GABARAPL1: variants seen among roughly 807,000 people sequenced by gnomAD.
GABARAPL1 encodes the protein GABA type A receptor associated protein like 1.
Under a neutral mutation model 14.5 loss-of-function variants are expected in GABARAPL1, and 4 were observed. The ratio of observed to expected loss-of-function variants is 0.28; its 90% CI spans 0.14 to 0.63. The LOEUF is 0.63. Among genes scored for constraint, GABARAPL1 ranks in the 30% least tolerant of loss-of-function variants. The pLI, the probability that GABARAPL1 is intolerant of heterozygous loss-of-function variation, is 0.84. For missense variants in GABARAPL1, 82 were observed against 139.2 expected (o/e 0.59, Z 2.07); for synonymous variants, 47 against 50.6 (o/e 0.93, Z 0.30).
intron 2 of GABARAPL1, among the ~76,000 whole-genome samples, chr12:10,218,462 A>G (rs1949102662): frequency 1.3e-5 from 2 of 151,982 alleles, no homozygotes; most frequent in African/African-American, 4.8e-5. Context: ...AGTCCCAGCT[A>G]CTTGGGAGGC....
chr12:10,215,653 T>G (rs769021693), intron 1 of GABARAPL1, among the ~76,000 whole-genome samples: 1 of 152,146 alleles, frequency 6.6e-6, no homozygotes, highest in Non-Finnish European at 1.5e-5. Flanking sequence ...CCCTCTGCTT[T>G]ATCACTTTCT....
intron 1 of GABARAPL1, among the ~76,000 whole-genome samples, chr12:10,217,428 C>T (rs1949096891): frequency 6.9e-6 from 1 of 144,806 alleles, no homozygotes; most frequent in Admixed American, 6.7e-5. Context: ...TTTCTTGATG[C>T]TCTAATTAAA....
At position 10,221,927 on chromosome 12, in the gene GABARAPL1, A is replaced by G; in HGVS notation, c.*75A>G. On this transcript the variant is annotated 3_prime_UTR_variant, in exon 4 of 4. Transcript: ENST00000266458. ...GGGGTGTGTGTGCGCGACATGGGGAAAGAGGGTGGCTCCCACCGCAAGGAG... is the reference window on the plus strand; with the variant it reads ...GGGGTGTGTGTGCGCGACATGGGGAGAGAGGGTGGCTCCCACCGCAAGGAG... The G allele has an allele frequency of 1.5e-6, 2 of 1,371,236 alleles. No homozygotes were observed. Among genetic ancestry groups the G allele is most frequent in the Non-Finnish European group, 2.1e-6 (2 of 964,418 alleles). The allele number at this position is 1,371,236 out of a possible 1,614,324, so 84.9% of individuals were successfully genotyped here. A position where few individuals can be genotyped will look rare whatever the true frequency, so the allele number is the denominator to read the frequency against.
chr12:10,214,853 G>T (rs1592003645), intron 1 of GABARAPL1: 1 of 152,172 alleles, frequency 6.6e-6, no homozygotes, highest in East Asian at 1.9e-4. Context: ...ATGACGTGCT[G>T]TGGACTTTAC....
At chr12:10,215,739 T>C (rs1949084381) in intron 1 of GABARAPL1, among the ~76,000 whole-genome samples, 1 of 152,204 alleles carries the variant, frequency 6.6e-6, no homozygotes, top group Admixed American at 6.5e-5. Flanking sequence ...TGCTAGCCTC[T>C]TTCTGCCTTT....
intron 3 of GABARAPL1, chr12:10,221,161 T>C: frequency 1.0e-6 from 1 of 979,454 alleles, no homozygotes; most frequent in Non-Finnish European, 1.2e-6. Flanking sequence ...TTCCACATTA[T>C]CTGGGCACAA....
At chr12:10,219,186 T>C (rs1261799536) in intron 2 of GABARAPL1, among the ~76,000 whole-genome samples, 1 of 151,706 alleles carries the variant, frequency 6.6e-6, no homozygotes, top group Non-Finnish European at 1.5e-5. Flanking sequence ...GGGTGTGTTG[T>C]TGGGCACCTG....
rs1949127218 is a variant in GABARAPL1, at chr12:10,222,918, T to G, written c.*1066T>G. 1 of 152,602 alleles carries G rather than the reference T, an allele frequency of 6.6e-6. No individual in the cohort carries two copies. Among genetic ancestry groups the G allele is most frequent in the Non-Finnish European group, 1.5e-5 (1 of 68,036 alleles). The allele number at this position is 152,602 out of a possible 1,614,324, so 9.5% of individuals were successfully genotyped here. On this transcript the variant is annotated 3_prime_UTR_variant, in exon 4 of 4. Coordinates refer to ENST00000266458, the MANE Select transcript of GABARAPL1 (RefSeq NM_031412.4). ...GACTTTTAGTAAATCATGGGGATTTTATTGATTTATTTTCACTTTTGGGAT... is the reference window on the plus strand; with the variant it reads ...GACTTTTAGTAAATCATGGGGATTTGATTGATTTATTTTCACTTTTGGGAT...
chr12:10,221,623 G>T, intron 3 of GABARAPL1, 164 bp from the exon 4 acceptor site: 4 of 496,286 alleles, frequency 8.1e-6, no homozygotes, highest in Non-Finnish European at 1.0e-5. Flanking sequence ...TGAACTCAGA[G>T]CTCAAAGTGT....
At chr12:10,218,406 T>TA (rs942736629) in intron 2 of GABARAPL1, among the ~76,000 whole-genome samples, 4 of 151,736 alleles carry the variant, frequency 2.6e-5, no homozygotes, top group Non-Finnish European at 5.9e-5. Flanking sequence ...CCGTTTCTAC[T>TA]AAAAAAAATA....
At chr12:10,215,765 G>T (rs867335684) in intron 1 of GABARAPL1, among the ~76,000 whole-genome samples, 1 of 151,940 alleles carries the variant, frequency 6.6e-6, no homozygotes, top group African/African-American at 2.4e-5. Flanking sequence ...TTAATTCCTG[G>T]CTTACGTTAC....
chr12:10,218,442 G>A (rs1332604795), intron 2 of GABARAPL1, among the ~76,000 whole-genome samples: 7 of 151,908 alleles, frequency 4.6e-5, no homozygotes, highest in South Asian at 2.1e-4. Context: ...GCTTGGTGGC[G>A]GGTGCCTGTA....
chr12:10,221,331 A>G (rs1354789471), intron 3 of GABARAPL1: 3 of 979,840 alleles, frequency 3.1e-6, no homozygotes, highest in Non-Finnish European at 3.6e-6. Flanking sequence ...ATTACTGAAA[A>G]TATAACCTGG....
Position 10,212,973 on chromosome 12 carries a change from A to C in GABARAPL1, c.-157A>C. ...GGCTCACCCGAGATCCCCGCCCCGA[A>C]CCCCCCCTGCACACTCGGCCCAGCG... On this transcript the variant is annotated 5_prime_UTR_variant, in exon 1 of 4. Coordinates refer to ENST00000266458, the MANE Select transcript of GABARAPL1 (RefSeq NM_031412.4). 3 of 572,876 alleles carry C rather than the reference A, an allele frequency of 5.2e-6. No homozygotes were observed. Among genetic ancestry groups the C allele is most frequent in the South Asian group, 2.0e-5 (1 of 50,216 alleles). The allele number at this position is 572,876 out of a possible 1,614,324, so 35.5% of individuals were successfully genotyped here.
chr12:10,215,695 T>C (rs1245095473), intron 1 of GABARAPL1, among the ~76,000 whole-genome samples: 1 of 152,214 alleles, frequency 6.6e-6, no homozygotes, highest in Non-Finnish European at 1.5e-5. Context: ...TTTTATCTCT[T>C]ACTGCTAGGT....
chr12:10,214,081 A>G, intron 1 of GABARAPL1: 1 of 311,872 alleles, frequency 3.2e-6, no homozygotes, highest in Non-Finnish European at 6.6e-6. Context: ...CAGGCTGCGC[A>G]GCCGAATTGG....
Position 10,221,180 on chromosome 12 carries a change from A to G in GABARAPL1, c.289-607A>G, listed in dbSNP as rs982676779. 3.1e-6 allele frequency: 3 copies of G among 975,504 alleles called. No homozygotes were observed. In the South Asian group the frequency reaches 1.4e-4, roughly 46 times the overall value. The allele number at this position is 975,504 out of a possible 1,614,324, so 60.4% of individuals were successfully genotyped here. ...ACATTATCTGGGCACAATGAATCAG[A>G]TAAAATGAAATATAAAATTAAGGCA... On this transcript the variant is annotated intron_variant, in intron 3 of 3. Transcript: ENST00000266458.
intron 1 of GABARAPL1, 112 bp downstream of exon 1, chr12:10,213,331 CGAGAA>C: frequency 4.1e-6 from 3 of 726,466 alleles, no homozygotes; most frequent in Non-Finnish European, 7.6e-6. Context: ...AGGGAGGTTC[CGAGAA>C]TTACTTAATC....
rs1441277001 is a variant in GABARAPL1, at chr12:10,220,512, A to G, written c.242A>G (p.Asn81Ser). ...GAGGACGCCTTATTCTTCTTTGTCA[A>G]CAACACCATCCCTCCCACCAGTGCT... is the stretch of plus-strand genomic sequence containing the variant. ...RPEDALFFFV[N>S]NTIPPTSATM... The change falls in exon 3 of 4, where the codon AAC becomes AGC. Residue 81 changes from asparagine (N) to serine (S), a missense_variant. This residue lies in a region of GABARAPL1 where 65 missense variants were observed against 103.7 expected (regional missense o/e 0.63). Transcript: ENST00000266458. 3 of 1,613,898 alleles carry G rather than the reference A, an allele frequency of 1.9e-6. No individual in the cohort carries two copies. The highest frequency in any genetic ancestry group is 1.7e-6 in the Non-Finnish European group (2 of 1,180,016).
Sources: allele counts gnomAD v4.1 joint callset (sites outside exome capture counted in the v4.1 genomes callset), GRCh38; gene constraint gnomAD v4.1.1; regional missense constraint gnomAD v4.1.1; transcripts MANE v1.5; gene names NCBI Gene and HGNC (gene_info 2026-07-23, HGNC 2026-07-21).